The following DNAH11 variants were observed in gnomAD, a reference collection of about 807,000 sequenced individuals.
The protein encoded by DNAH11 is dynein axonemal heavy chain 11.
DNAH11 carries 442 observed loss-of-function variants against 526.0 expected under a neutral mutation model. The ratio of observed to expected loss-of-function variants is 0.84; its 90% CI spans 0.78 to 0.91. DNAH11 has a LOEUF of 0.91. DNAH11 is among the 40% of genes least tolerant of loss of function. DNAH11 has a pLI of 0.00. For missense variants in DNAH11, 6,989 were observed against 5,448.7 expected, an observed-to-expected ratio of 1.28 and a Z score of -8.90; for synonymous variants, 2,461 against 1,935.9, an observed-to-expected ratio of 1.27 and a Z score of -7.12.
At chr7:21,675,749 T>C (rs1782852255) in intron 30 of DNAH11, among the ~76,000 whole-genome samples, 1 of 152,132 alleles carries the variant, frequency 6.6e-6, no homozygotes, top group Non-Finnish European at 1.5e-5. Context: ...CATGAGAACA[T>C]AACACAGAAT....
intron 8 of DNAH11, 75 bp from the exon 9 acceptor site, chr7:21,581,830 G>T: frequency 5.6e-6 from 5 of 888,162 alleles, no homozygotes; most frequent in Non-Finnish European, 7.4e-6. Flanking sequence ...CTAAAGTAAG[G>T]TCACGCTTGT....
chr7:21,879,346 A>C (rs1783828909), intron 74 of DNAH11, among the ~76,000 whole-genome samples: 2 of 152,014 alleles, frequency 1.3e-5, no homozygotes, highest in South Asian at 4.1e-4. Flanking sequence ...AGTCCCAGCT[A>C]CTCGGGAGGC....
chr7:21,816,835 G>T (rs1032522286), intron 64 of DNAH11, 133 bp downstream of exon 64: 9 of 718,834 alleles, frequency 1.3e-5, no homozygotes, highest in Non-Finnish European at 1.9e-5. Flanking sequence ...TTGTTTATCT[G>T]CCTGTTCATG....
At chr7:21,895,347 T>C (rs1024578188) in intron 79 of DNAH11, among the ~76,000 whole-genome samples, 2 of 152,220 alleles carry the variant, frequency 1.3e-5, no homozygotes, top group Non-Finnish European at 2.9e-5. Flanking sequence ...GAAAGCAACT[T>C]GAATTTGCCT....
intron 61 of DNAH11, among the ~76,000 whole-genome samples, chr7:21,797,227 T>C (rs537470643): frequency 3.3e-5 from 5 of 152,304 alleles, no homozygotes; most frequent in South Asian, 4.1e-4. Context: ...ACTTTTTTTT[T>C]TTTCCTTTTG....
intron 34 of DNAH11, among the ~76,000 whole-genome samples, chr7:21,689,744 A>C (rs1461393845): frequency 6.6e-6 from 1 of 152,220 alleles, no homozygotes; most frequent in South Asian, 2.1e-4. Context: ...CCTTAGTCCT[A>C]AACACTGTGG....
intron 45 of DNAH11, among the ~76,000 whole-genome samples, chr7:21,735,415 A>G (rs1416842076): frequency 6.6e-6 from 1 of 152,202 alleles, no homozygotes; most frequent in Admixed American, 6.5e-5. Flanking sequence ...CTTTGATGGC[A>G]TTATCCAATT....
chr7:21,652,850 A>C (rs1299250236), intron 28 of DNAH11, among the ~76,000 whole-genome samples: 2 of 151,634 alleles, frequency 1.3e-5, no homozygotes, highest in East Asian at 3.9e-4. Flanking sequence ...GGGGCCTACG[A>C]AGTATTAGTT....
intron 55 of DNAH11, among the ~76,000 whole-genome samples, chr7:21,772,887 T>G (rs17145349): frequency 2.0e-5 from 3 of 152,068 alleles, no homozygotes; most frequent in Admixed American, 2.0e-4. Flanking sequence ...AGGTTTGAAA[T>G]GTTTGACTGC....
At position 21,726,937 on chromosome 7, in the gene DNAH11, T is replaced by TTTTTTTC. The variant is rs1198634632; in HGVS notation, c.7440+959_7440+960insCTTTTTT. On this transcript the variant is annotated intron_variant, in intron 45 of 81. Transcript: ENST00000409508. ...GTTATATTTCTGCATCCTCTTTTCT[T>TTTTTTTC]TTTTTTTTTTTTTTGAGATGGAGTC... 2.2e-4 allele frequency among the ~76,000 whole-genome samples: 7 copies of TTTTTTTC among 31,524 alleles called. 1 individual carries two copies. Among genetic ancestry groups the TTTTTTTC allele is most frequent in the African/African-American group, 3.5e-4 (3 of 8,466 alleles). 20.7% of individuals were successfully genotyped at this position (31,524 alleles called of 152,430 possible).
chr7:21,867,901 G>A lies in DNAH11; in HGVS notation c.11733G>A (p.Arg3911=), dbSNP rs752847799. 1.3e-6 allele frequency: 2 copies of A among 1,580,740 alleles called. No individual in the cohort carries two copies. Among genetic ancestry groups the A allele is most frequent in the African/African-American group, 1.3e-5 (1 of 74,240 alleles). The change falls in exon 72 of 82, where the codon AGG becomes AGA. Residue 3911 remains arginine (R), a synonymous_variant. Coordinates refer to ENST00000409508, the MANE Select transcript of DNAH11 (RefSeq NM_001277115.2). The part of the protein sequence containing the change: ...EEKLGAKYVE[R]TRLDLVKAFE... ...AACTGGGTGCGAAGTATGTGGAGAGGACCAGATTGGACTTAGTTAAAGCAT... is the reference window on the plus strand; with the variant it reads ...AACTGGGTGCGAAGTATGTGGAGAGAACCAGATTGGACTTAGTTAAAGCAT...
At position 21,784,464 on chromosome 7, in the gene DNAH11, G is replaced by A; in HGVS notation, c.9521G>A (p.Arg3174Lys). ...CAGACTGAAGTGTTCCAGAAACAGA[G>A]AGAATGTGAAGCTGACTTACTCAAG... ...AIQTEVFQKQ[R>K]ECEADLLKAE... is the part of the protein sequence containing the mutation. The change falls in exon 58 of 82, where the codon AGA (arginine) becomes AAA (lysine). Residue 3174 changes from arginine to lysine, a missense_variant. Physicochemically the swap from Arg to Lys is conservative, Grantham distance 26 (BLOSUM62 2). Transcript: ENST00000409508. The A allele has an allele frequency of 6.2e-7, 1 of 1,613,544 alleles. No individual in the cohort carries two copies.
Position 21,601,483 on chromosome 7 carries a change from C to T in DNAH11, c.3513C>T (p.Asp1171=), listed in dbSNP as rs1785084001. Residue 1171 remains aspartate, a synonymous_variant, in exon 18 of 82, where the codon GAC becomes GAT. Coordinates refer to ENST00000409508, the MANE Select transcript of DNAH11 (RefSeq NM_001277115.2). ...LNEGDHDGLV[D]IMVHLLAVRS... ...AAGGTGATCATGATGGTTTAGTTGA[C>T]ATCATGGTGCATCTTCTGGCTGTAA... is the stretch of plus-strand genomic sequence containing the variant. 1.2e-6 allele frequency: 2 copies of T among 1,613,658 alleles called. No homozygotes were observed. Among genetic ancestry groups the T allele is most frequent in the Non-Finnish European group, 1.7e-6 (2 of 1,179,812 alleles).
At position 21,704,420 on chromosome 7, in the gene DNAH11, GTTTTT is replaced by G. The variant is rs762673009; in HGVS notation, c.6274-9_6274-5del. 1.3e-6 allele frequency: 2 copies of G among 1,583,144 alleles called. No individual in the cohort carries two copies. The highest frequency in any genetic ancestry group is 2.3e-5 in the South Asian group (2 of 87,244). On this transcript the variant is annotated splice_polypyrimidine_tract_variant and intron_variant, in intron 37 of 81. Transcript: ENST00000409508. ...CCTTGTATTGGCTTTTTTATAAAAT[GTTTTT>G]TTTTCTAGGTACTCATGAGAGCATT...
intron 65 of DNAH11, among the ~76,000 whole-genome samples, chr7:21,824,898 G>C (rs1050986327): frequency 6.6e-6 from 1 of 152,114 alleles, no homozygotes; most frequent in African/African-American, 2.4e-5. Flanking sequence ...TTGAAACAGA[G>C]TCTTGCTCTG....
At chr7:21,611,012 C>T (rs1785501172) in intron 20 of DNAH11, among the ~76,000 whole-genome samples, 1 of 152,092 alleles carries the variant, frequency 6.6e-6, no homozygotes, top group Admixed American at 6.5e-5. Flanking sequence ...TTAAGGGATA[C>T]CTACAGAGCT....
intron 81 of DNAH11, among the ~76,000 whole-genome samples, chr7:21,900,377 ATTAGAC>A (rs897393799): frequency 9.8e-6 from 1 of 101,638 alleles, no homozygotes. Context: ...GAATAACATC[ATTAGAC>A]TTAGACTGAA....
intron 20 of DNAH11, 134 bp from the exon 21 acceptor site, chr7:21,614,980 A>C: frequency 9.4e-7 from 1 of 1,067,234 alleles, no homozygotes; most frequent in Non-Finnish European, 1.3e-6. Context: ...TTTGCCAGTA[A>C]TTACGCTGCA....
rs375767160 is a variant in DNAH11, at chr7:21,601,558, G to A, written c.3588G>A (p.Thr1196=). ...AACTCTTTGAACCTCTAAAAGAAACGATCACCCTCTTGGAAAGCTATGGCC... is the reference window on the plus strand; with the variant it reads ...AACTCTTTGAACCTCTAAAAGAAACAATCACCCTCTTGGAAAGCTATGGCC... ...TDELFEPLKE[T]ITLLESYGQK... The change falls in exon 18 of 82, where the codon ACG becomes ACA. Residue 1196 remains threonine, a synonymous_variant. Coordinates refer to ENST00000409508, the MANE Select transcript of DNAH11 (RefSeq NM_001277115.2). 11 of 1,610,666 alleles carry A rather than the reference G, an allele frequency of 6.8e-6. No individual in the cohort carries two copies. The highest frequency in any genetic ancestry group is 2.2e-5 in the South Asian group (2 of 90,748).
Sources: gnomAD v4.1 joint callset for allele counts (sites outside exome capture counted in the v4.1 genomes callset) on GRCh38, gnomAD v4.1.1 for gene constraint, MANE v1.5 for transcripts, NCBI Gene and HGNC (gene_info 2026-07-23, HGNC 2026-07-21) for gene names.